Variants in COL25A1 observed in about 807,000 individuals in gnomAD.
COL25A1 encodes collagen alpha-1(XXV) chain.
In COL25A1, 103 loss-of-function variants were observed where a neutral mutation model predicts 128.4. That is an observed-to-expected ratio of 0.80 (90% CI 0.68 to 0.94). The LOEUF is 0.94. Among genes scored for constraint, COL25A1 ranks in the 40% least tolerant of loss-of-function variants. The probability of loss-of-function intolerance (pLI) is 0.00; values close to 1 mark genes in which losing one functional copy is unlikely to be tolerated. For synonymous variants in COL25A1, 279 were observed against 277.2 expected (o/e 1.01, Z -0.06); for missense variants, 745 against 840.0 (o/e 0.89, Z 1.40).
At chr4:108,880,814 A>G (rs1740026019) in intron 19 of COL25A1, among the ~76,000 whole-genome samples, 1 of 152,242 alleles carries the variant, frequency 6.6e-6, no homozygotes, top group Non-Finnish European at 1.5e-5. Context: ...GAAAGGGGGT[A>G]AGTAATGTAT....
chr4:109,024,551 T>C (rs568111451), intron 5 of COL25A1, among the ~76,000 whole-genome samples: 2 of 152,082 alleles, frequency 1.3e-5, no homozygotes, highest in East Asian at 3.9e-4. Flanking sequence ...TGTACAAAAA[T>C]AGTGGTTCCC....
Position 108,942,280 on chromosome 4 carries a change from G to T in COL25A1, c.493-843C>A, listed in dbSNP as rs1578839688. Reference sequence around the variant, plus strand: ...AAGCCTGGCAGGCCCTATGGACATAGCACAGCACCAAAACAACACGACATA... The same window carrying T: ...AAGCCTGGCAGGCCCTATGGACATATCACAGCACCAAAACAACACGACATA... On this transcript the variant is annotated intron_variant, in intron 8 of 37. Transcript: ENST00000399132. The T allele has an allele frequency of 3.2e-6, 5 of 1,549,872 alleles. No individual in the cohort carries two copies. The East Asian group carries it at 1.2e-4, about 38-fold the overall frequency.
intron 11 of COL25A1, among the ~76,000 whole-genome samples, chr4:108,924,775 G>C (rs1177297847): frequency 2.6e-5 from 4 of 152,116 alleles, no homozygotes; most frequent in Non-Finnish European, 5.9e-5. Context: ...TTTTAGAAGA[G>C]TCTGAGCTTT....
chr4:109,156,411 G>A (rs1027597788), intron 3 of COL25A1, among the ~76,000 whole-genome samples: 8 of 152,068 alleles, frequency 5.3e-5, no homozygotes, highest in Admixed American at 5.2e-4. Flanking sequence ...CAAGCTATAT[G>A]CCATATTCTA....
intron 13 of COL25A1, among the ~76,000 whole-genome samples, chr4:108,905,641 A>T (rs1242757105): frequency 6.6e-6 from 1 of 151,996 alleles, no homozygotes; most frequent in African/African-American, 2.4e-5. Flanking sequence ...TTTGCATTAT[A>T]TTTCTGTTTC....
chr4:108,989,300 A>G (rs1013924982), intron 6 of COL25A1, among the ~76,000 whole-genome samples: 7 of 152,178 alleles, frequency 4.6e-5, no homozygotes, highest in African/African-American at 9.6e-5. Flanking sequence ...ACAAATGTCA[A>G]TGGTGGTGCT....
In COL25A1 at chr4:109,162,933, TCCTC is replaced by T. The variant is rs2126120539; in HGVS notation, c.368-112758_368-112755del. On this transcript the variant is annotated intron_variant, in intron 3 of 37. Coordinates refer to ENST00000399132, the MANE Select transcript of COL25A1 (RefSeq NM_198721.4). Reference sequence around the variant, plus strand: ...AGCCAGTGGATAAGTCGTTCTCTCTTCCTCCCCTTGAGGCACTGTTCTGACATGC... The same window carrying T: ...AGCCAGTGGATAAGTCGTTCTCTCTTCCCTTGAGGCACTGTTCTGACATGC... Among the ~76,000 whole-genome samples, 3 of 152,298 alleles carry T rather than the reference TCCTC, an allele frequency of 2.0e-5. No homozygotes were observed. In the East Asian group the frequency reaches 5.8e-4, roughly 29 times the overall value.
chr4:108,970,184 G>A (rs952703535), intron 8 of COL25A1, among the ~76,000 whole-genome samples: 4 of 152,180 alleles, frequency 2.6e-5, no homozygotes, highest in Non-Finnish European at 4.4e-5. Flanking sequence ...TTACAGTGGT[G>A]AGCCACTGCA....
chr4:108,810,698 A>G lies in COL25A1; in HGVS notation c.*3229T>C, dbSNP rs188308987. On this transcript the variant is annotated 3_prime_UTR_variant, in exon 38 of 38. Transcript: ENST00000399132. ...TAAAGGCATATGATGTATGAAATGA[A>G]TATGAAATAGGAGGATCCATGATCC... 14 of 152,150 alleles carry G rather than the reference A, an allele frequency of 9.2e-5. No individual in the cohort carries two copies. The highest frequency in any genetic ancestry group is 3.4e-4 in the African/African-American group (14 of 41,578). The allele number at this position is 152,150 out of a possible 1,614,324, so 9.4% of individuals were successfully genotyped here.
At chr4:108,823,993 C>T in intron 35 of COL25A1, 181 bp downstream of exon 35, 2 of 1,549,836 alleles carry the variant, frequency 1.3e-6, no homozygotes, top group South Asian at 1.3e-5. Flanking sequence ...GCCCTTATAT[C>T]TGGCAGTACA....
chr4:109,086,423 C>T (rs1485647585), intron 3 of COL25A1, among the ~76,000 whole-genome samples: 1 of 152,146 alleles, frequency 6.6e-6, no homozygotes, highest in Admixed American at 6.5e-5. Context: ...GTTGGAAGAA[C>T]AGTGGGGAAA....
rs1560887047 is a variant in COL25A1 at position 109,218,357 on chromosome 4, G to GTTTTTTTTTTTTTTGTTTTTTTTT, written c.367+82225_367+82226insAAAAAAAAACAAAAAAAAAAAAAA. On this transcript the variant is annotated intron_variant, in intron 3 of 37. Coordinates refer to ENST00000399132, the MANE Select transcript of COL25A1 (RefSeq NM_198721.4). ...CAGAATCAATTGCTGGTTTTTTGGG[G>GTTTTTTTTTTTTTTGTTTTTTTTT]TTTTTTTTTTTTTTTTTTTTTTTTT... 1.3e-3 allele frequency among the ~76,000 whole-genome samples: 96 copies of GTTTTTTTTTTTTTTGTTTTTTTTT among 73,514 alleles called. 1 individual carries two copies. The highest frequency in any genetic ancestry group is 5.6e-3 in the East Asian group (11 of 1,972). 48.2% of individuals were successfully genotyped at this position (73,514 alleles called of 152,430 possible).
chr4:109,282,386 T>A (rs1362343149), intron 3 of COL25A1, among the ~76,000 whole-genome samples: 2 of 152,004 alleles, frequency 1.3e-5, no homozygotes, highest in Non-Finnish European at 2.9e-5. Flanking sequence ...TTCCCCTCTA[T>A]GGCACAAAAA....
chr4:109,065,649 C>G (rs1034510282), intron 3 of COL25A1, among the ~76,000 whole-genome samples: 1 of 151,058 alleles, frequency 6.6e-6, no homozygotes, highest in African/African-American at 2.4e-5. Context: ...TACTTTTATT[C>G]CATTGGATGA....
chr4:108,949,076 G>C (rs1749102681), intron 8 of COL25A1, among the ~76,000 whole-genome samples: 1 of 152,158 alleles, frequency 6.6e-6, no homozygotes, highest in Non-Finnish European at 1.5e-5. Context: ...TTCCTGGTCT[G>C]AGTGCACTAG....
At chr4:109,186,080 C>T (rs1264704423) in intron 3 of COL25A1, among the ~76,000 whole-genome samples, 3 of 152,206 alleles carry the variant, frequency 2.0e-5, no homozygotes, top group Non-Finnish European at 4.4e-5. Context: ...GGCAATGAGG[C>T]ATCTCTCTTG....
intron 3 of COL25A1, among the ~76,000 whole-genome samples, chr4:109,115,828 G>A (rs564668168): frequency 2.0e-5 from 3 of 152,094 alleles, no homozygotes; most frequent in African/African-American, 4.8e-5. Flanking sequence ...AAAGGAGCAC[G>A]AGATGGAGAG....
At chr4:109,041,650 C>T (rs1759908903) in intron 5 of COL25A1, among the ~76,000 whole-genome samples, 2 of 152,184 alleles carry the variant, frequency 1.3e-5, no homozygotes, top group Admixed American at 1.3e-4. Context: ...CCCTCTCTTA[C>T]AGTTAGGTAT....
chr4:108,964,492 T>C (rs1185227309), intron 8 of COL25A1, among the ~76,000 whole-genome samples: 1 of 152,092 alleles, frequency 6.6e-6, no homozygotes, highest in Non-Finnish European at 1.5e-5. Flanking sequence ...TACATAATCT[T>C]TTAAGGACAT....
Sources: gnomAD v4.1 joint callset for allele counts (sites outside exome capture counted in the v4.1 genomes callset) on GRCh38, gnomAD v4.1.1 for gene constraint, MANE v1.5 for transcripts, NCBI Gene and HGNC (gene_info 2026-07-23, HGNC 2026-07-21) for gene names.